The following QSOX2 variants were observed in gnomAD, a reference collection of about 807,000 sequenced individuals.
QSOX2 encodes sulfhydryl oxidase 2.
QSOX2 carries 46 observed loss-of-function variants against 61.7 expected under a neutral mutation model. The ratio of observed to expected loss-of-function variants is 0.75; its 90% CI spans 0.59 to 0.95. The LOEUF (loss-of-function observed/expected upper bound fraction) is 0.95, where lower values mean the gene tolerates loss of function less well. Among genes scored for constraint, QSOX2 ranks in the 40% least tolerant of loss-of-function variants. The pLI is 0.00. For synonymous variants in QSOX2, 383 were observed against 388.4 expected (o/e 0.99, Z 0.16); for missense variants, 879 against 918.9 (o/e 0.96, Z 0.56).
rs1237939149 is a variant in QSOX2 at position 136,207,068 on chromosome 9, C to T, written c.*1660G>A. The T allele has an allele frequency of 1.3e-5, 2 of 152,336 alleles. No individual in the cohort carries two copies. The highest frequency in any genetic ancestry group is 6.5e-5 in the Admixed American group (1 of 15,276). 9.4% of individuals were successfully genotyped at this position (152,336 alleles called of 1,614,324 possible). A position where few individuals can be genotyped will look rare whatever the true frequency, so the allele number is the denominator to read the frequency against. On this transcript the variant is annotated 3_prime_UTR_variant, in exon 12 of 12. Coordinates refer to ENST00000358701, the MANE Select transcript of QSOX2 (RefSeq NM_181701.4). ...GGGTTAAAAAGTGTGAAACCAGAAG[C>T]AACTCTCGAGTGAGACACGAAGCAG...
At chr9:136,216,095 G>A (rs757468757) in intron 9 of QSOX2, among the ~76,000 whole-genome samples, 3 of 152,208 alleles carry the variant, frequency 2.0e-5, no homozygotes, top group Admixed American at 6.5e-5. Context: ...GCAGCACGCT[G>A]GGTTTACTGC....
chr9:136,209,788 C>T lies in QSOX2; in HGVS notation c.1550-513G>A. 3.0e-6 allele frequency: 3 copies of T among 985,218 alleles called. No homozygotes were observed. The highest frequency in any genetic ancestry group is 3.6e-6 in the Non-Finnish European group (3 of 829,872). 61.0% of individuals were successfully genotyped at this position (985,218 alleles called of 1,614,324 possible). A position where few individuals can be genotyped will look rare whatever the true frequency, so the allele number is the denominator to read the frequency against. On this transcript the variant is annotated intron_variant, in intron 11 of 11. Coordinates refer to ENST00000358701, the MANE Select transcript of QSOX2 (RefSeq NM_181701.4). The surrounding 1 kb of genome is among the most constrained non-coding windows in gnomAD (Gnocchi z 5.6). ...CCTTCAGGAAAGGGCAGAGGGGCAG[C>T]AATGAATTTCCACTGCACTTCAGGT...
intron 3 of QSOX2, among the ~76,000 whole-genome samples, chr9:136,224,645 T>G (rs910527783): frequency 2.0e-5 from 3 of 152,226 alleles, no homozygotes; most frequent in African/African-American, 7.2e-5. Flanking sequence ...TGAAAAAGTT[T>G]TTACTACAAT....
intron 10 of QSOX2, among the ~76,000 whole-genome samples, chr9:136,214,396 A>G (rs1038141563): frequency 6.6e-6 from 1 of 152,158 alleles, no homozygotes; most frequent in South Asian, 2.1e-4. Context: ...ACTGACTAGT[A>G]AGCAGAATCT....
chr9:136,234,500 G>A (rs914820328), intron 1 of QSOX2, among the ~76,000 whole-genome samples: 2 of 152,144 alleles, frequency 1.3e-5, no homozygotes, highest in Admixed American at 6.5e-5. Context: ...CGTTGACAAC[G>A]CACCATCCTA....
In QSOX2 at chr9:136,208,294, G is replaced by GGGTGCAGGGAGGGCCAAGGTGGGGGGT. The variant is rs1831798910; in HGVS notation, c.*433_*434insACCCCCCACCTTGGCCCTCCCTGCACC. 1 of 3,978 alleles carries GGGTGCAGGGAGGGCCAAGGTGGGGGGT rather than the reference G, an allele frequency of 2.5e-4. No homozygotes were observed. The highest frequency in any genetic ancestry group is 0.013 in the East Asian group (1 of 80). 0.2% of individuals were successfully genotyped at this position (3,978 alleles called of 1,614,324 possible). ...GGGGGAGGGGGAGCGAGGGGAGTGG[G>GGGTGCAGGGAGGGCCAAGGTGGGGGGT]GGGGAGCCAGGAGCCGCGGGGGGGA... On this transcript the variant is annotated 3_prime_UTR_variant, in exon 12 of 12. Transcript: ENST00000358701.
chr9:136,220,569 G>C (rs952719247), intron 6 of QSOX2, among the ~76,000 whole-genome samples: 27 of 152,176 alleles, frequency 1.8e-4, no homozygotes, highest in Non-Finnish European at 3.4e-4. Context: ...TGCAACTTCA[G>C]GCCAGGGGAA....
Position 136,222,806 on chromosome 9 carries a change from G to A in QSOX2, c.676-865C>T, listed in dbSNP as rs1830235131. On this transcript the variant is annotated intron_variant, in intron 5 of 11. Coordinates refer to ENST00000358701, the MANE Select transcript of QSOX2 (RefSeq NM_181701.4). The surrounding 1 kb of genome is among the most constrained non-coding windows in gnomAD (Gnocchi z 6.9). ...TCTTCTCAGGGGAACACCTGCCTCT[G>A]GTCTGCGTGTGTGGAGGCCCCGCCC... 6.6e-6 allele frequency among the ~76,000 whole-genome samples: 1 copy of A among 152,216 alleles called. No individual in the cohort carries two copies. Among genetic ancestry groups the A allele is most frequent in the South Asian group, 2.1e-4 (1 of 4,826 alleles).
intron 1 of QSOX2, among the ~76,000 whole-genome samples, chr9:136,244,454 T>A (rs1251842636): frequency 6.6e-6 from 1 of 152,196 alleles, no homozygotes; most frequent in Non-Finnish European, 1.5e-5. Flanking sequence ...CTGTTTGCGA[T>A]GAGAAAAATA....
intron 1 of QSOX2, among the ~76,000 whole-genome samples, chr9:136,243,848 G>C (rs1226057519): frequency 6.6e-6 from 1 of 152,158 alleles, no homozygotes; most frequent in Non-Finnish European, 1.5e-5. Context: ...TCTTCCTGTC[G>C]TGACTGGGAA....
At chr9:136,212,922 A>G (rs976742045) in intron 10 of QSOX2, among the ~76,000 whole-genome samples, 27 of 152,216 alleles carry the variant, frequency 1.8e-4, no homozygotes, top group Non-Finnish European at 3.8e-4. Context: ...GGCTGCTTCC[A>G]ATATGCTGAT....
intron 8 of QSOX2, among the ~76,000 whole-genome samples, chr9:136,217,246 G>A (rs1312213742): frequency 6.6e-6 from 1 of 152,216 alleles, no homozygotes; most frequent in Non-Finnish European, 1.5e-5. Flanking sequence ...AACACAGCTT[G>A]GGGAGGCGTC....
Position 136,218,784 on chromosome 9 carries a change from C to T in QSOX2, c.981G>A (p.Leu327=). The change falls in exon 8 of 12, where the codon CTG becomes CTA. Residue 327 remains leucine, a synonymous_variant. Coordinates refer to ENST00000358701, the MANE Select transcript of QSOX2 (RefSeq NM_181701.4). ...GCAGGAGGTAGTGTAGCCCTGACTC[C>T]AGGTCCACCGTGTACAGCTTCGACC... ...FDKSKLYTVD[L]ESGLHYLLRV... 1 of 1,613,544 alleles carries T rather than the reference C, an allele frequency of 6.2e-7. No individual in the cohort carries two copies. Among genetic ancestry groups the T allele is most frequent in the Non-Finnish European group, 8.5e-7 (1 of 1,180,006 alleles).
chr9:136,222,073 C>A lies in QSOX2; in HGVS notation c.676-132G>T, dbSNP rs1830221116. The A allele has an allele frequency of 2.2e-6, 2 of 893,374 alleles. No homozygotes were observed. The highest frequency in any genetic ancestry group is 5.2e-5 in the South Asian group (2 of 38,580). 55.3% of individuals were successfully genotyped at this position (893,374 alleles called of 1,614,324 possible). A position where few individuals can be genotyped will look rare whatever the true frequency, so the allele number is the denominator to read the frequency against. Reference sequence around the variant, plus strand: ...AAGTCTGTCCCCCTGCAGGCAAGACCCTCACTCAAATCTTCACTCTCATTG... The same window carrying A: ...AAGTCTGTCCCCCTGCAGGCAAGACACTCACTCAAATCTTCACTCTCATTG... On this transcript the variant is annotated intron_variant, in intron 5 of 11. Transcript: ENST00000358701. The surrounding 1 kb of genome is among the most constrained non-coding windows in gnomAD (Gnocchi z 6.9).
intron 1 of QSOX2, among the ~76,000 whole-genome samples, chr9:136,239,389 A>G (rs1046263322): frequency 6.6e-6 from 1 of 152,080 alleles, no homozygotes; most frequent in Non-Finnish European, 1.5e-5. Context: ...TGATCCTCCC[A>G]CCTTCCAAAG....
chr9:136,218,833 G>A, intron 7 of QSOX2, 25 bp from the exon 8 acceptor site: 1 of 1,607,786 alleles, frequency 6.2e-7, no homozygotes, highest in Non-Finnish European at 8.5e-7. Context: ...GGCAGCGTCA[G>A]GGAATGCCCA....
Position 136,237,032 on chromosome 9 carries a change from T to TGTCCTGTGCCACACCTGGTGCCC in QSOX2, c.328+8421_328+8443dup, listed in dbSNP as rs1269220191. On this transcript the variant is annotated intron_variant, in intron 1 of 11. Coordinates refer to ENST00000358701, the MANE Select transcript of QSOX2 (RefSeq NM_181701.4). The stretch of plus-strand genomic sequence containing the variant: ...TCCTGGGCCGGTGTCACCTGGAGCC[T>TGTCCTGTGCCACACCTGGTGCCC]GTCCTGTGCCACACCTGGTGCCCGT... Among the ~76,000 whole-genome samples, 80 of 92,686 alleles carry TGTCCTGTGCCACACCTGGTGCCC rather than the reference T, an allele frequency of 8.6e-4. 1 individual carries two copies. The highest frequency in any genetic ancestry group is 1.4e-3 in the Non-Finnish European group (66 of 47,552). 60.8% of individuals were successfully genotyped at this position (92,686 alleles called of 152,430 possible).
rs565858205 is a variant in QSOX2, at chr9:136,218,334, G to A, written c.1086+345C>T. 3.9e-5 allele frequency among the ~76,000 whole-genome samples: 6 copies of A among 152,218 alleles called. No homozygotes were observed. In the East Asian group the frequency reaches 5.8e-4, roughly 15 times the overall value. On this transcript the variant is annotated intron_variant, in intron 8 of 11. Coordinates refer to ENST00000358701, the MANE Select transcript of QSOX2 (RefSeq NM_181701.4). Reference sequence around the variant, plus strand: ...CCCTCTCTCTCTCCCCCCAGCCCCCGTGCAGCGCTCCTCTGAGAGCCAGCT... The same window carrying A: ...CCCTCTCTCTCTCCCCCCAGCCCCCATGCAGCGCTCCTCTGAGAGCCAGCT...
intron 10 of QSOX2, among the ~76,000 whole-genome samples, chr9:136,213,656 C>T (rs906313530): frequency 6.6e-6 from 1 of 151,530 alleles, no homozygotes; most frequent in Admixed American, 6.6e-5. Context: ...GTGCCCCCAT[C>T]CCGGGACACT....
Sources: allele counts gnomAD v4.1 joint callset (sites outside exome capture counted in the v4.1 genomes callset), GRCh38; gene constraint gnomAD v4.1.1; non-coding constraint Gnocchi (gnomAD v3.1); transcripts MANE v1.5; gene names NCBI Gene and HGNC (gene_info 2026-07-23, HGNC 2026-07-21).